ZNF292: variants seen among roughly 807,000 people sequenced by gnomAD.
ZNF292 encodes the protein zinc finger protein 292, also known as 16 zinc-finger domain protein.
A neutral mutation model predicts 217.9 loss-of-function variants in ZNF292; 26 were observed. The observed-to-expected ratio is 0.12, with a 90% CI of 0.09 to 0.17. ZNF292 has a LOEUF of 0.17. ZNF292 is among the 10% of genes least tolerant of loss of function. The pLI, the probability that ZNF292 is intolerant of heterozygous loss-of-function variation, is 1.00. For missense variants in ZNF292, 2,904 were observed against 3,175.2 expected (o/e 0.91, Z 2.05); for synonymous variants, 1,257 against 1,124.1 (o/e 1.12, Z -2.37).
chr6:87,201,957 A>C (rs895331599), intron 1 of ZNF292, among the ~76,000 whole-genome samples: 1 of 152,312 alleles, frequency 6.6e-6, no homozygotes, highest in Admixed American at 6.5e-5. Context: ...ACAAAATCAC[A>C]CTGTCTTAAT....
chr6:87,247,556 G>C (rs1044469557), intron 7 of ZNF292, among the ~76,000 whole-genome samples: 2 of 152,112 alleles, frequency 1.3e-5, no homozygotes, highest in African/African-American at 2.4e-5. Context: ...GTAAGTTAAT[G>C]TTTAAGAAGG....
At chr6:87,229,898 G>C (rs893762630) in intron 4 of ZNF292, among the ~76,000 whole-genome samples, 2 of 152,174 alleles carry the variant, frequency 1.3e-5, no homozygotes, top group Non-Finnish European at 2.9e-5. Flanking sequence ...AAGTGATGGA[G>C]GTGGTAAGAG....
At chr6:87,163,544 A>G (rs1390632968) in intron 1 of ZNF292, among the ~76,000 whole-genome samples, 1 of 152,202 alleles carries the variant, frequency 6.6e-6, no homozygotes, top group African/African-American at 2.4e-5. Flanking sequence ...CTTATGTGGG[A>G]ACACTAAGGT....
chr6:87,220,484 T>C (rs1450214144), intron 4 of ZNF292, among the ~76,000 whole-genome samples: 1 of 152,078 alleles, frequency 6.6e-6, no homozygotes, highest in Admixed American at 6.6e-5. Flanking sequence ...AGCCAGGAAT[T>C]AAAATCAGAC....
chr6:87,192,785 A>G (rs760252199), intron 1 of ZNF292, among the ~76,000 whole-genome samples: 9 of 152,208 alleles, frequency 5.9e-5, no homozygotes, highest in Non-Finnish European at 1.0e-4. Flanking sequence ...TTAATTCTCT[A>G]CTGATGAACG....
At chr6:87,228,783 C>T (rs1773501576) in intron 4 of ZNF292, among the ~76,000 whole-genome samples, 2 of 152,058 alleles carry the variant, frequency 1.3e-5, no homozygotes, top group Non-Finnish European at 2.9e-5. Context: ...TGCATTGGTC[C>T]ACATGTCTGT....
At chr6:87,220,223 C>G (rs1035779823) in intron 4 of ZNF292, among the ~76,000 whole-genome samples, 1 of 151,804 alleles carries the variant, frequency 6.6e-6, no homozygotes, top group African/African-American at 2.4e-5. Flanking sequence ...TGCTTTAGTT[C>G]TAGCACCAAA....
rs143827799 is a variant in ZNF292, at chr6:87,252,274, C to G, written c.1021-2376C>G. ...TCAAGTGATTCTCCTGCCTTAGCCT[C>G]CTCAGTAGCTGGGATTACAGGTGCC... On this transcript the variant is annotated intron_variant, in intron 7 of 7. Transcript: ENST00000369577. Among the ~76,000 whole-genome samples the G allele has an allele frequency of 7.1e-3, 1,075 of 152,098 alleles. 18 individuals carry two copies. Among genetic ancestry groups the G allele is most frequent in the African/African-American group, 0.024 (975 of 41,480 alleles).
chr6:87,195,161 T>C (rs1170433808), intron 1 of ZNF292, among the ~76,000 whole-genome samples: 3 of 152,198 alleles, frequency 2.0e-5, no homozygotes, highest in African/African-American at 7.2e-5. Flanking sequence ...TTTAACATAG[T>C]GTTAGTAGTT....
Position 87,257,789 on chromosome 6 carries a change from C to G in ZNF292, c.4160C>G (p.Pro1387Arg). 6.2e-7 allele frequency: 1 copy of G among 1,613,786 alleles called. No homozygotes were observed. The highest frequency in any genetic ancestry group is 8.5e-7 in the Non-Finnish European group (1 of 1,179,776). The change falls in exon 8 of 8, where the codon CCC (proline) becomes CGC (arginine). Residue 1387 changes from proline (P) to arginine (R), a missense_variant. Physicochemically the swap from Pro to Arg is moderately radical, Grantham distance 103. Coordinates refer to ENST00000369577, the MANE Select transcript of ZNF292 (RefSeq NM_015021.3). ...AGGTGTTACAGGGCTTTTACTAATCCCAGATCACTGGGTGGGCACTTATCC... is the reference window on the plus strand; with the variant it reads ...AGGTGTTACAGGGCTTTTACTAATCGCAGATCACTGGGTGGGCACTTATCC... ...CSRCYRAFTN[P>R]RSLGGHLSKR... is the part of the protein sequence containing the mutation.
chr6:87,243,743 A>G, intron 6 of ZNF292, 132 bp downstream of exon 6: 1 of 858,642 alleles, frequency 1.2e-6, no homozygotes, highest in Non-Finnish European at 1.6e-6. Flanking sequence ...TAGATATTAC[A>G]TGCTGTGCAA....
At chr6:87,240,421 T>A (rs1774218164) in intron 5 of ZNF292, among the ~76,000 whole-genome samples, 1 of 152,170 alleles carries the variant, frequency 6.6e-6, no homozygotes, top group South Asian at 2.1e-4. Flanking sequence ...TTCTGTTTTT[T>A]AATTTTTTAT....
At chr6:87,247,387 G>A (rs1774659381) in intron 7 of ZNF292, among the ~76,000 whole-genome samples, 1 of 152,064 alleles carries the variant, frequency 6.6e-6, no homozygotes, top group South Asian at 2.1e-4. Context: ...AAATAATACT[G>A]TCTAACACAT....
intron 4 of ZNF292, among the ~76,000 whole-genome samples, chr6:87,225,737 A>C (rs1010991331): frequency 6.6e-6 from 1 of 152,154 alleles, no homozygotes; most frequent in African/African-American, 2.4e-5. Flanking sequence ...ACATTTTGCC[A>C]TCTGTTTTCA....
intron 5 of ZNF292, among the ~76,000 whole-genome samples, chr6:87,239,334 C>G (rs539341397): frequency 6.7e-6 from 1 of 149,168 alleles, no homozygotes; most frequent in South Asian, 2.2e-4. Flanking sequence ...GACGGGGCGG[C>G]TGGCCAGGCG....
Position 87,215,951 on chromosome 6 carries a change from C to T in ZNF292, c.217C>T (p.Pro73Ser), listed in dbSNP as rs924982564. ...ATGGAAAACTTCAGAAGATCCTTTA[C>T]CTTTATTGGAGGTATACACAGTGGC... Reference protein sequence around the residue: ...EKWKTSEDPLPLLEVYTVAIQ... With the variant: ...EKWKTSEDPLSLLEVYTVAIQ... Residue 73 changes from proline to serine, a missense_variant, in exon 2 of 8, where the codon CCT becomes TCT. Around this residue, in one of 15 missense-constraint regions of ZNF292, gnomAD observed 313 missense variants for 451.0 expected, o/e 0.69. Coordinates refer to ENST00000369577, the MANE Select transcript of ZNF292 (RefSeq NM_015021.3). 15 of 1,601,578 alleles carry T rather than the reference C, an allele frequency of 9.4e-6. No homozygotes were observed. The highest frequency in any genetic ancestry group is 1.2e-5 in the Non-Finnish European group (14 of 1,176,244).
intron 1 of ZNF292, among the ~76,000 whole-genome samples, chr6:87,172,072 A>G (rs1771116626): frequency 6.6e-6 from 1 of 152,214 alleles, no homozygotes; most frequent in African/African-American, 2.4e-5. Flanking sequence ...TCTTCATAGC[A>G]CTTAGCACAA....
At chr6:87,228,121 G>GTAGTAGTC (rs1347283270) in intron 4 of ZNF292, among the ~76,000 whole-genome samples, 1 of 151,912 alleles carries the variant, frequency 6.6e-6, no homozygotes, top group Non-Finnish European at 1.5e-5. Context: ...TGTTTTTTTC[G>GTAGTAGTC]TAGTAGTCAT....
At position 87,256,886 on chromosome 6, in the gene ZNF292, C is replaced by G; in HGVS notation, c.3257C>G (p.Thr1086Ser). ...PQSDLSNSLG[T>S]PSVPPKAPVQ... Reference sequence around the variant, plus strand: ...TCCGACCTAAGTAATTCATTAGGAACTCCATCAGTGCCTCCAAAAGCTCCA... The same window carrying G: ...TCCGACCTAAGTAATTCATTAGGAAGTCCATCAGTGCCTCCAAAAGCTCCA... Residue 1086 changes from threonine to serine, a missense_variant, in exon 8 of 8, where the codon ACT becomes AGT. By Grantham distance (58) the Thr-to-Ser change is moderately conservative. Coordinates refer to ENST00000369577, the MANE Select transcript of ZNF292 (RefSeq NM_015021.3). 1 of 1,613,890 alleles carries G rather than the reference C, an allele frequency of 6.2e-7. No homozygotes were observed. Among genetic ancestry groups the G allele is most frequent in the Non-Finnish European group, 8.5e-7 (1 of 1,179,832 alleles).
Sources: gnomAD v4.1 joint callset for allele counts (sites outside exome capture counted in the v4.1 genomes callset) on GRCh38, gnomAD v4.1.1 for gene constraint, gnomAD v4.1.1 regional missense constraint, MANE v1.5 for transcripts, NCBI Gene and HGNC (gene_info 2026-07-23, HGNC 2026-07-21) for gene names.